COLGALT1: variants seen among roughly 807,000 people sequenced by gnomAD.
The protein encoded by COLGALT1 is collagen beta(1-O)galactosyltransferase 1.
In COLGALT1, 43 loss-of-function variants were observed where a neutral mutation model predicts 60.8. The ratio of observed to expected loss-of-function variants is 0.71; its 90% CI spans 0.55 to 0.91. The LOEUF (loss-of-function observed/expected upper bound fraction) is 0.91, where lower values mean the gene tolerates loss of function less well. Ranked by LOEUF, COLGALT1 falls within the 40% of genes least tolerant of loss-of-function variation. The pLI, the probability that COLGALT1 is intolerant of heterozygous loss-of-function variation, is 0.00. For missense variants in COLGALT1, 845 were observed against 880.0 expected, an observed-to-expected ratio of 0.96 and a Z score of 0.50; for synonymous variants, 369 against 374.2, an observed-to-expected ratio of 0.99 and a Z score of 0.16.
intron 3 of COLGALT1, among the ~76,000 whole-genome samples, chr19:17,562,811 T>C (rs987399307): frequency 1.3e-5 from 2 of 152,076 alleles, no homozygotes; most frequent in African/African-American, 4.8e-5. Flanking sequence ...CAGGTTCTGC[T>C]TTGACACTGG....
rs34244232 is a variant in COLGALT1, at chr19:17,581,909, AT to A, written c.*484del. The A allele has an allele frequency of 0.037, 5,175 of 140,132 alleles. 54 individuals carry two copies. Among genetic ancestry groups the A allele is most frequent in the Admixed American group, 0.049 (716 of 14,716 alleles). 8.7% of individuals were successfully genotyped at this position (140,132 alleles called of 1,614,324 possible). On this transcript the variant is annotated 3_prime_UTR_variant, in exon 12 of 12. Coordinates refer to ENST00000252599, the MANE Select transcript of COLGALT1 (RefSeq NM_024656.4). ...GTTGGGTGCCATTCCAGGCTCTGGG[AT>A]TTTTTTTTTTTTTTTTTTAAGAGTA...
chr19:17,568,426 C>A, intron 4 of COLGALT1, 83 bp from the exon 5 acceptor site: 1 of 1,224,694 alleles, frequency 8.2e-7, no homozygotes, highest in Non-Finnish European at 1.2e-6. Context: ...TCTGTCTGGT[C>A]CTGTTTCATG....
At chr19:17,567,271 C>T in intron 3 of COLGALT1, 135 bp from the exon 4 acceptor site, 1 of 1,194,068 alleles carries the variant, frequency 8.4e-7, no homozygotes, top group Non-Finnish European at 1.2e-6. Flanking sequence ...GGGGTCCCTG[C>T]TTCATTTCAT....
intron 5 of COLGALT1, among the ~76,000 whole-genome samples, 191 bp downstream of exon 5, chr19:17,568,904 T>C (rs1169250875): frequency 1.3e-5 from 2 of 152,210 alleles, no homozygotes; most frequent in Admixed American, 1.3e-4. Context: ...GCCCTGGCTT[T>C]GCTGGTTAGC....
At chr19:17,556,257 G>A (rs991255077) in intron 1 of COLGALT1, among the ~76,000 whole-genome samples, 5 of 152,234 alleles carry the variant, frequency 3.3e-5, no homozygotes. Flanking sequence ...TGGCTCCTTT[G>A]GGGTGGGCTG....
intron 6 of COLGALT1, among the ~76,000 whole-genome samples, chr19:17,574,496 A>C (rs2144838607): frequency 6.6e-6 from 1 of 151,850 alleles, no homozygotes. Flanking sequence ...ACACCTGGCA[A>C]ATTTTGTATT....
At position 17,555,890 on chromosome 19, in the gene COLGALT1, G is replaced by A. The variant is rs1402716211; in HGVS notation, c.177G>A (p.Leu59=). 15 of 1,393,834 alleles carry A rather than the reference G, an allele frequency of 1.1e-5. No individual in the cohort carries two copies. The East Asian group carries it at 4.6e-4, about 43-fold the overall frequency. The allele number at this position is 1,393,834 out of a possible 1,614,324, so 86.3% of individuals were successfully genotyped here. ...CGCCGCGCGTGCTCATCGCGCTGTT[G>A]GCGCGAAACGCGGCCCACGCGTTGC... ...LQAPRVLIAL[L]ARNAAHALPT... is the part of the protein sequence containing the mutation. The change falls in exon 1 of 12, where the codon TTG becomes TTA. Residue 59 remains leucine, a synonymous_variant. Coordinates refer to ENST00000252599, the MANE Select transcript of COLGALT1 (RefSeq NM_024656.4).
At chr19:17,574,234 A>T (rs2076328227) in intron 6 of COLGALT1, among the ~76,000 whole-genome samples, 2 of 152,002 alleles carry the variant, frequency 1.3e-5, no homozygotes, top group African/African-American at 2.4e-5. Context: ...CCCGGGGCTC[A>T]GTTTCCCCAG....
At chr19:17,570,056 G>A (rs984738064) in intron 5 of COLGALT1, among the ~76,000 whole-genome samples, 4 of 151,836 alleles carry the variant, frequency 2.6e-5, no homozygotes, top group East Asian at 3.9e-4. Context: ...CACCAGGCCC[G>A]GCTAATTTTT....
intron 8 of COLGALT1, among the ~76,000 whole-genome samples, chr19:17,577,677 C>T (rs1251396765): frequency 6.6e-6 from 1 of 152,114 alleles, no homozygotes; most frequent in African/African-American, 2.4e-5. Context: ...GCAAGTGAGT[C>T]CTGACCCAGG....
intron 5 of COLGALT1, chr19:17,572,043 G>C (rs1187802551): frequency 3.9e-5 from 6 of 155,320 alleles, no homozygotes; most frequent in Non-Finnish European, 7.1e-5. Context: ...CGGGCGTGGT[G>C]GCTCATACCT....
Position 17,568,111 on chromosome 19 carries a change from T to A in COLGALT1, c.625-398T>A, listed in dbSNP as rs969762881. ...AGTGACTTGCCTAAAGTCACACAGC[T>A]AGCAAGTGGTGGTGTCAGGATGGGA... On this transcript the variant is annotated intron_variant, in intron 4 of 11. Transcript: ENST00000252599. Among the ~76,000 whole-genome samples the A allele has an allele frequency of 3.9e-4, 60 of 152,246 alleles. 1 individual carries two copies. The highest frequency in any genetic ancestry group is 1.4e-3 in the African/African-American group (59 of 41,560).
chr19:17,558,476 G>C (rs1283308053), intron 1 of COLGALT1, among the ~76,000 whole-genome samples: 1 of 148,346 alleles, frequency 6.7e-6, no homozygotes. Context: ...TCAGGAGTTC[G>C]AGAGCAGCCT....
In COLGALT1 at chr19:17,571,262, C is replaced by T. The variant is rs188357445; in HGVS notation, c.830-1221C>T. 4.1e-3 allele frequency among the ~76,000 whole-genome samples: 613 copies of T among 151,296 alleles called. 1 individual carries two copies. Among genetic ancestry groups the T allele is most frequent in the Non-Finnish European group, 6.9e-3 (467 of 67,780 alleles). On this transcript the variant is annotated intron_variant, in intron 5 of 11. Transcript: ENST00000252599. ...GTGAAACCCGTCTCTGCTAAAAATA[C>T]AAAAATTGGCTGGGCATGGTGGTGG... is the stretch of plus-strand genomic sequence containing the variant.
intron 3 of COLGALT1, 32 bp downstream of exon 3, chr19:17,560,497 C>T (rs770658466): frequency 6.4e-7 from 1 of 1,571,054 alleles, no homozygotes; most frequent in Non-Finnish European, 8.8e-7. Context: ...ATATGGATCA[C>T]AGGCAGGTCT....
chr19:17,560,113 C>T (rs1268122997), intron 2 of COLGALT1, among the ~76,000 whole-genome samples: 2 of 152,176 alleles, frequency 1.3e-5, no homozygotes, highest in African/African-American at 2.4e-5. Flanking sequence ...TTCCTTCCTT[C>T]CCTCCAGTGT....
intron 1 of COLGALT1, among the ~76,000 whole-genome samples, chr19:17,556,936 T>G (rs1196247906): frequency 6.6e-6 from 1 of 152,042 alleles, no homozygotes; most frequent in Non-Finnish European, 1.5e-5. Context: ...GAAAAGAAAA[T>G]GAGCGTATTA....
At position 17,560,360 on chromosome 19, in the gene COLGALT1, C is replaced by T. The variant is rs200391783; in HGVS notation, c.384C>T (p.Asp128=). The change falls in exon 3 of 12, where the codon GAC becomes GAT. Residue 128 remains aspartate (D), a synonymous_variant. Coordinates refer to ENST00000252599, the MANE Select transcript of COLGALT1 (RefSeq NM_024656.4). ...TGCCTCCCCATAGGTCCTACCCGGA[C>T]GAGGAAGGCCCGAAACACTGGTCTG... is the stretch of plus-strand genomic sequence containing the variant. ...RPAEEPRSYP[D]EEGPKHWSDS... 4.0e-5 allele frequency: 65 copies of T among 1,613,984 alleles called. No homozygotes were observed. The highest frequency in any genetic ancestry group is 2.2e-4 in the South Asian group (20 of 91,076).
intron 1 of COLGALT1, among the ~76,000 whole-genome samples, chr19:17,558,971 C>T (rs769358390): frequency 1.2e-4 from 18 of 151,908 alleles, no homozygotes; most frequent in South Asian, 4.1e-4. Flanking sequence ...CCAGCCTGGC[C>T]AACATGGTGA....
Sources: gnomAD v4.1 joint callset for allele counts (sites outside exome capture counted in the v4.1 genomes callset) on GRCh38, gnomAD v4.1.1 for gene constraint, MANE v1.5 for transcripts, NCBI Gene and HGNC (gene_info 2026-07-23, HGNC 2026-07-21) for gene names.